Variants in MSH5 observed in about 807,000 individuals in gnomAD.
MSH5 encodes the protein mutS homolog 5, also known as mutS protein homolog 5.
MSH5 carries 78 observed loss-of-function variants against 107.7 expected under a neutral mutation model. The observed-to-expected ratio is 0.72, with a 90% CI of 0.60 to 0.87. The LOEUF is 0.87. Ranked by LOEUF, MSH5 falls within the 40% of genes least tolerant of loss-of-function variation. The pLI is 0.00. For missense variants in MSH5, 889 were observed against 1,046.6 expected (o/e 0.85, Z 2.08); for synonymous variants, 326 against 399.5 (o/e 0.82, Z 2.19).
intron 8 of MSH5, 107 bp from the exon 9 acceptor site, chr6:31,745,130 G>A (rs1581519424): frequency 9.1e-6 from 5 of 551,786 alleles, no homozygotes; most frequent in Admixed American, 3.3e-5. Flanking sequence ...AAAAAAAGAC[G>A]TGATCTCAGG....
rs1380293900 is a variant in MSH5 at position 31,745,336 on chromosome 6, C to T, written c.766+17C>T. On this transcript the variant is annotated intron_variant, in intron 9 of 24. Transcript: ENST00000375750. ...GCCTCTTTGGTAGGTGTGCCCCATC[C>T]CTCATCTCACATTACAAAGACCTAC... The T allele has an allele frequency of 2.5e-6, 4 of 1,574,588 alleles. No homozygotes were observed. Among genetic ancestry groups the T allele is most frequent in the Non-Finnish European group, 3.5e-6 (4 of 1,145,204 alleles).
At position 31,740,349 on chromosome 6, in the gene MSH5, C is replaced by A; in HGVS notation, c.-13-105C>A. The stretch of plus-strand genomic sequence containing the variant: ...CACGCCCCTCAGCCCTGCCCCGCAG[C>A]CCTGTAGCAGAAGTACTTAGTGCTT... On this transcript the variant is annotated intron_variant, in intron 1 of 24. Coordinates refer to ENST00000375750, the MANE Select transcript of MSH5 (RefSeq NM_172166.4). The surrounding 1 kb of genome is among the most constrained non-coding windows in gnomAD (Gnocchi z 4.4). 2 of 1,230,380 alleles carry A rather than the reference C, an allele frequency of 1.6e-6. No homozygotes were observed. The highest frequency in any genetic ancestry group is 1.5e-5 in the South Asian group (1 of 66,194). 76.2% of individuals were successfully genotyped at this position (1,230,380 alleles called of 1,614,324 possible).
chr6:31,740,310 T>G lies in MSH5; in HGVS notation c.-13-144T>G. On this transcript the variant is annotated intron_variant, in intron 1 of 24. Coordinates refer to ENST00000375750, the MANE Select transcript of MSH5 (RefSeq NM_172166.4). The surrounding 1 kb of genome is among the most constrained non-coding windows in gnomAD (Gnocchi z 4.4). Reference sequence around the variant, plus strand: ...TAAATACCCGAGAATTCACCTCCTGTGTCCACAGCTCTCCACGCCCCTCAG... The same window carrying G: ...TAAATACCCGAGAATTCACCTCCTGGGTCCACAGCTCTCCACGCCCCTCAG... 1.4e-6 allele frequency: 1 copy of G among 734,420 alleles called. No individual in the cohort carries two copies. Among genetic ancestry groups the G allele is most frequent in the Non-Finnish European group, 2.1e-6 (1 of 470,098 alleles). 45.5% of individuals were successfully genotyped at this position (734,420 alleles called of 1,614,324 possible).
At chr6:31,762,229 C>G (rs757673311) in intron 24 of MSH5, 44 bp downstream of exon 24, 1 of 1,594,392 alleles carries the variant, frequency 6.3e-7, no homozygotes, top group Non-Finnish European at 8.6e-7. Flanking sequence ...TGCATCTTCT[C>G]CTGCAACTCT....
rs1462065239 is a variant in MSH5 at position 31,759,565 on chromosome 6, A to G, written c.1495+53A>G. 6.3e-7 allele frequency: 1 copy of G among 1,594,000 alleles called. No individual in the cohort carries two copies. Among genetic ancestry groups the G allele is most frequent in the Non-Finnish European group, 8.6e-7 (1 of 1,166,408 alleles). On this transcript the variant is annotated intron_variant, in intron 17 of 24. Coordinates refer to ENST00000375750, the MANE Select transcript of MSH5 (RefSeq NM_172166.4). This position sits in a 1 kb window ranked among gnomAD's most constrained non-coding sequence, Gnocchi z 4.7. ...TTGTAAGATGTTTAAAAAAAGCAGCAGCCAGGGGAAGGAGGGGAGTGGGCA... is the reference window on the plus strand; with the variant it reads ...TTGTAAGATGTTTAAAAAAAGCAGCGGCCAGGGGAAGGAGGGGAGTGGGCA...
chr6:31,743,797 G>A, intron 5 of MSH5, 107 bp from the exon 6 acceptor site: 1 of 1,499,178 alleles, frequency 6.7e-7, no homozygotes, highest in Non-Finnish European at 9.0e-7. Flanking sequence ...GCCTGTGTGA[G>A]CTTGGGCAAG....
At chr6:31,742,550 G>T (rs1809012678) in intron 3 of MSH5, among the ~76,000 whole-genome samples, 1 of 152,228 alleles carries the variant, frequency 6.6e-6, no homozygotes, top group African/African-American at 2.4e-5. Flanking sequence ...GAGCCACTGT[G>T]CCTGGCCACA....
chr6:31,744,831 C>T lies in MSH5; in HGVS notation c.683+250C>T, dbSNP rs555450193. 8.5e-5 allele frequency among the ~76,000 whole-genome samples: 13 copies of T among 152,184 alleles called. No homozygotes were observed. In the South Asian group the frequency reaches 1.2e-3, roughly 15 times the overall value. On this transcript the variant is annotated intron_variant, in intron 8 of 24. Coordinates refer to ENST00000375750, the MANE Select transcript of MSH5 (RefSeq NM_172166.4). ...CAAACCTTACATCAAGATATGATCT[C>T]GGCTGGGCGCGGTGGCTCATGCCTG...
At chr6:31,752,536 A>T (rs1327020651) in intron 10 of MSH5, among the ~76,000 whole-genome samples, 1 of 152,158 alleles carries the variant, frequency 6.6e-6, no homozygotes, top group Non-Finnish European at 1.5e-5. Flanking sequence ...TCTGGCCAAC[A>T]TAGTGAAACC....
intron 10 of MSH5, among the ~76,000 whole-genome samples, chr6:31,747,646 A>G (rs1012753248): frequency 6.6e-6 from 1 of 152,154 alleles, no homozygotes; most frequent in Non-Finnish European, 1.5e-5. Flanking sequence ...TTTTGTTGTC[A>G]GCGCAGGTAC....
intron 10 of MSH5, 42 bp downstream of exon 10, chr6:31,747,474 C>A: frequency 6.3e-7 from 1 of 1,585,836 alleles, no homozygotes; most frequent in Non-Finnish European, 8.7e-7. Flanking sequence ...TGCATGAATT[C>A]CATATGCACA....
At chr6:31,743,830 A>G in intron 5 of MSH5, 74 bp from the exon 6 acceptor site, 3 of 1,572,862 alleles carry the variant, frequency 1.9e-6, no homozygotes, top group Non-Finnish European at 2.6e-6. Context: ...TCTTGCTTCT[A>G]TTGTCTCATT....
chr6:31,741,887 G>A (rs1251308262), intron 3 of MSH5, among the ~76,000 whole-genome samples: 1 of 152,152 alleles, frequency 6.6e-6, no homozygotes, highest in Non-Finnish European at 1.5e-5. Flanking sequence ...AAGGCAGGGT[G>A]TGTAGAGGTC....
rs9279408 is a variant in MSH5, at chr6:31,752,718, C to CA, written c.813-567dup. Among the ~76,000 whole-genome samples the CA allele has an allele frequency of 6.2e-3, 773 of 124,470 alleles. 5 individuals are homozygous for CA. Among genetic ancestry groups the CA allele is most frequent in the African/African-American group, 0.013 (439 of 33,350 alleles). The allele number at this position is 124,470 out of a possible 152,430, so 81.7% of individuals were successfully genotyped here. A position where few individuals can be genotyped will look rare whatever the true frequency, so the allele number is the denominator to read the frequency against. On this transcript the variant is annotated intron_variant, in intron 10 of 24. Transcript: ENST00000375750. ...CTGGCGACAAAGCGAGACTCTGTCT[C>CA]AAAAAAAAAAAAAAAACGAAAGAAT... is the stretch of plus-strand genomic sequence containing the variant.
intron 9 of MSH5, among the ~76,000 whole-genome samples, chr6:31,745,925 G>T (rs2151342669): frequency 6.6e-6 from 1 of 151,648 alleles, no homozygotes; most frequent in Non-Finnish European, 1.5e-5. Context: ...CCACCACGAT[G>T]CCTGGCTAAT....
chr6:31,743,611 TTAA>T, intron 5 of MSH5: 1 of 491,588 alleles, frequency 2.0e-6, no homozygotes, highest in Non-Finnish European at 3.6e-6. Flanking sequence ...ACTAGTTCTA[TTAA>T]TACCATTATT....
intron 12 of MSH5, among the ~76,000 whole-genome samples, chr6:31,755,259 C>T (rs1454306852): frequency 6.6e-6 from 1 of 152,148 alleles, no homozygotes; most frequent in Non-Finnish European, 1.5e-5. Flanking sequence ...TCAAGCGATC[C>T]TCCCCCCTCA....
chr6:31,741,438 G>A lies in MSH5; in HGVS notation c.271+152G>A, dbSNP rs1429214627. On this transcript the variant is annotated intron_variant, in intron 3 of 24. Coordinates refer to ENST00000375750, the MANE Select transcript of MSH5 (RefSeq NM_172166.4). ...CTGTTACCCAGGCTCAAGTGCAGTG[G>A]CGCAATCTTGGCTCACTGCAGCCTC... 2.8e-6 allele frequency: 3 copies of A among 1,067,568 alleles called. No homozygotes were observed. The East Asian group carries it at 8.1e-5, about 29-fold the overall frequency. 66.1% of individuals were successfully genotyped at this position (1,067,568 alleles called of 1,614,324 possible).
At position 31,744,344 on chromosome 6, in the gene MSH5, G is replaced by A. The variant is rs773270497; in HGVS notation, c.647+45G>A. On this transcript the variant is annotated intron_variant, in intron 7 of 24. Coordinates refer to ENST00000375750, the MANE Select transcript of MSH5 (RefSeq NM_172166.4). ...CCCAACCAAAGTAATGTGGGATTGG[G>A]AGGCCTGAAAAGTAAAGTGGGGGTG... The A allele has an allele frequency of 2.5e-6, 4 of 1,612,782 alleles. No homozygotes were observed. In the Admixed American group the frequency reaches 6.7e-5, roughly 27 times the overall value.
Sources: allele counts gnomAD v4.1 joint callset (sites outside exome capture counted in the v4.1 genomes callset), GRCh38; gene constraint gnomAD v4.1.1; non-coding constraint Gnocchi (gnomAD v3.1); transcripts MANE v1.5; gene names NCBI Gene and HGNC (gene_info 2026-07-23, HGNC 2026-07-21).